Variants in RAI1 observed in about 807,000 individuals in gnomAD.
RAI1 encodes the protein retinoic acid induced 1.
In RAI1, 9 loss-of-function variants were observed where a neutral mutation model predicts 123.8. The observed-to-expected ratio is 0.07, with a 90% CI of 0.04 to 0.13. RAI1 has a LOEUF of 0.13. RAI1 is among the 10% of genes least tolerant of loss of function. RAI1 has a pLI of 1.00. For synonymous variants in RAI1, 1,231 were observed against 1,127.3 expected (o/e 1.09, Z -1.84); for missense variants, 2,256 against 2,545.8 (o/e 0.89, Z 2.45).
At chr17:17,780,493 TC>T (rs2031533309) in intron 2 of RAI1, among the ~76,000 whole-genome samples, 1 of 152,110 alleles carries the variant, frequency 6.6e-6, no homozygotes, top group African/African-American at 2.4e-5. Context: ...CACGGGCATC[TC>T]CCCGATTGAG....
Position 17,801,632 on chromosome 17 carries a change from A to AG in RAI1, c.5566-2122dup, listed in dbSNP as rs1204438148. On this transcript the variant is annotated intron_variant, in intron 3 of 5. Transcript: ENST00000353383. This position sits in a 1 kb window ranked among gnomAD's most constrained non-coding sequence, Gnocchi z 4.1. ...GGAGGCCATCCCAGACTAGGCGGGA[A>AG]GGAGGCCTCAGCCCTGAGCTGAAAA... Among the ~76,000 whole-genome samples, 1 of 152,214 alleles carries AG rather than the reference A, an allele frequency of 6.6e-6. No homozygotes were observed. Among genetic ancestry groups the AG allele is most frequent in the Non-Finnish European group, 1.5e-5 (1 of 68,030 alleles).
At chr17:17,769,817 C>A (rs1415080212) in intron 2 of RAI1, among the ~76,000 whole-genome samples, 1 of 152,166 alleles carries the variant, frequency 6.6e-6, no homozygotes, top group Non-Finnish European at 1.5e-5. Flanking sequence ...GACCCTGCAC[C>A]CCGGCCAGAG....
At chr17:17,789,031 T>C (rs1253309326) in intron 2 of RAI1, among the ~76,000 whole-genome samples, 1 of 152,162 alleles carries the variant, frequency 6.6e-6, no homozygotes, top group Non-Finnish European at 1.5e-5. Context: ...GAGGACAGAA[T>C]AAAAAAGTGA....
chr17:17,716,239 T>C (rs1239551056), intron 1 of RAI1, among the ~76,000 whole-genome samples: 1 of 152,118 alleles, frequency 6.6e-6, no homozygotes, highest in Non-Finnish European at 1.5e-5. Flanking sequence ...GAGGGGTCAC[T>C]TGTGGGGTGG....
Position 17,794,328 on chromosome 17 carries a change from G to A in RAI1, c.1380G>A (p.Pro460=), listed in dbSNP as rs771072293. Residue 460 remains proline, a synonymous_variant, in exon 3 of 6, where the codon CCG becomes CCA. Coordinates refer to ENST00000353383, the MANE Select transcript of RAI1 (RefSeq NM_030665.4). Reference sequence around the variant, plus strand: ...TGCTGCTCTCCAAGGCTGCTGTGCCGCAGAAGAAAGGTGTCAAGAACCTCG... The same window carrying A: ...TGCTGCTCTCCAAGGCTGCTGTGCCACAGAAGAAAGGTGTCAAGAACCTCG... ...QQLLLSKAAV[P]QKKGVKNLVS... The A allele has an allele frequency of 1.7e-5, 28 of 1,613,034 alleles. No homozygotes were observed. Among genetic ancestry groups the A allele is most frequent in the Non-Finnish European group, 2.2e-5 (26 of 1,180,034 alleles).
chr17:17,718,846 T>C (rs1476316060), intron 1 of RAI1, among the ~76,000 whole-genome samples: 2 of 152,096 alleles, frequency 1.3e-5, no homozygotes, highest in Non-Finnish European at 2.9e-5. Flanking sequence ...GCTACCACAT[T>C]GGCATGAAGG....
chr17:17,748,674 G>A (rs1019373376), intron 2 of RAI1, among the ~76,000 whole-genome samples: 3 of 152,124 alleles, frequency 2.0e-5, no homozygotes, highest in African/African-American at 7.2e-5. Flanking sequence ...GATGGGAGCC[G>A]AGGCTGGCAT....
intron 2 of RAI1, among the ~76,000 whole-genome samples, chr17:17,755,876 C>T (rs1389487319): frequency 1.3e-5 from 2 of 152,234 alleles, no homozygotes; most frequent in African/African-American, 4.8e-5. Context: ...CAGGGCTGTA[C>T]CCTCTGCACA....
At chr17:17,709,812 A>G (rs1915510250) in intron 1 of RAI1, among the ~76,000 whole-genome samples, 1 of 152,220 alleles carries the variant, frequency 6.6e-6, no homozygotes, top group Admixed American at 6.5e-5. Flanking sequence ...TGCAGCTTCC[A>G]GAATCTTGGA....
chr17:17,726,615 C>G lies in RAI1; in HGVS notation c.-17+2456C>G, dbSNP rs1598038222. ...GTCCAGCTAAATGGAGTGAATGAAT[C>G]AGTGGTGAATGAATGAAAAGGGAAA... On this transcript the variant is annotated intron_variant, in intron 2 of 5. Coordinates refer to ENST00000353383, the MANE Select transcript of RAI1 (RefSeq NM_030665.4). Among the ~76,000 whole-genome samples, 3 of 152,184 alleles carry G rather than the reference C, an allele frequency of 2.0e-5. No homozygotes were observed. In the South Asian group the frequency reaches 6.2e-4, roughly 31 times the overall value.
At position 17,787,543 on chromosome 17, in the gene RAI1, G is replaced by A. The variant is rs541623375; in HGVS notation, c.-16-5390G>A. Among the ~76,000 whole-genome samples, 133 of 152,342 alleles carry A rather than the reference G, an allele frequency of 8.7e-4. 1 individual carries two copies. The highest frequency in any genetic ancestry group is 2.1e-3 in the South Asian group (10 of 4,830). ...TCCTCCCGGCAGCCTTCCCTGGGGG[G>A]CCTAGGAATGCCTGCAGCTGCTGTG... On this transcript the variant is annotated intron_variant, in intron 2 of 5. Transcript: ENST00000353383.
At chr17:17,808,572 C>G (rs975296912) in intron 4 of RAI1, among the ~76,000 whole-genome samples, 1 of 151,972 alleles carries the variant, frequency 6.6e-6, no homozygotes, top group Non-Finnish European at 1.5e-5. Context: ...CCCAGCCTCT[C>G]GAGTAGCTGG....
intron 2 of RAI1, among the ~76,000 whole-genome samples, chr17:17,749,910 C>T (rs949879075): frequency 8.5e-5 from 13 of 152,232 alleles, no homozygotes; most frequent in African/African-American, 3.1e-4. Context: ...TAAGCACATG[C>T]CTGTACTAGT....
chr17:17,770,652 G>A (rs563300882), intron 2 of RAI1, among the ~76,000 whole-genome samples: 27 of 152,166 alleles, frequency 1.8e-4, no homozygotes, highest in African/African-American at 5.8e-4. Flanking sequence ...GGTGGGTAGC[G>A]ACTTGGCCCA....
At chr17:17,746,792 C>T (rs1441926978) in intron 2 of RAI1, among the ~76,000 whole-genome samples, 2 of 152,006 alleles carry the variant, frequency 1.3e-5, no homozygotes, top group Admixed American at 6.6e-5. Flanking sequence ...TGCACCACCA[C>T]GCCCGGCTAA....
chr17:17,717,005 C>T (rs1292464654), intron 1 of RAI1, among the ~76,000 whole-genome samples: 1 of 152,204 alleles, frequency 6.6e-6, no homozygotes, highest in East Asian at 1.9e-4. Flanking sequence ...CCGTCTATAG[C>T]AGTGGCTAGA....
chr17:17,727,193 C>T (rs1226999988), intron 2 of RAI1, among the ~76,000 whole-genome samples: 1 of 152,216 alleles, frequency 6.6e-6, no homozygotes, highest in African/African-American at 2.4e-5. Context: ...TTTCCTTCCC[C>T]ACAATCTAGA....
chr17:17,748,722 G>T (rs1338443934), intron 2 of RAI1, among the ~76,000 whole-genome samples: 1 of 152,202 alleles, frequency 6.6e-6, no homozygotes, highest in African/African-American at 2.4e-5. Flanking sequence ...GCGTATGTCG[G>T]TGGGGCACTG....
chr17:17,752,342 C>T (rs974659376), intron 2 of RAI1, among the ~76,000 whole-genome samples: 4 of 152,164 alleles, frequency 2.6e-5, no homozygotes, highest in Admixed American at 6.5e-5. Flanking sequence ...AGGGGCGGGG[C>T]GGGGTGAGCG....
Sources: allele counts gnomAD v4.1 joint callset (sites outside exome capture counted in the v4.1 genomes callset), GRCh38; gene constraint gnomAD v4.1.1; non-coding constraint Gnocchi (gnomAD v3.1); transcripts MANE v1.5; gene names NCBI Gene and HGNC (gene_info 2026-07-23, HGNC 2026-07-21).